The following QKI variants were observed in gnomAD, a reference collection of about 807,000 sequenced individuals.
QKI encodes the protein QKI, KH domain containing RNA binding.
Under a neutral mutation model 39.0 loss-of-function variants are expected in QKI, and 10 were observed. The observed-to-expected ratio is 0.26, with a 90% CI of 0.16 to 0.43. The LOEUF is 0.43. Ranked by LOEUF, QKI falls within the 20% of genes least tolerant of loss-of-function variation. The pLI, the probability that QKI is intolerant of heterozygous loss-of-function variation, is 1.00. For missense variants in QKI, 218 were observed against 428.0 expected (o/e 0.51, Z 4.33); for synonymous variants, 204 against 155.4 (o/e 1.31, Z -2.33).
At chr6:163,492,831 C>A (rs75377318) in intron 3 of QKI, among the ~76,000 whole-genome samples, 2 of 152,034 alleles carry the variant, frequency 1.3e-5, no homozygotes, top group African/African-American at 2.4e-5. Flanking sequence ...TCAAGTGTTA[C>A]AACAGCACAT....
chr6:163,452,535 T>C (rs956340103), intron 1 of QKI, among the ~76,000 whole-genome samples: 1 of 152,144 alleles, frequency 6.6e-6, no homozygotes, highest in African/African-American at 2.4e-5. Context: ...AAGTATTTAT[T>C]GAGGGCCAGC....
At chr6:163,499,738 A>G (rs1045680332) in intron 3 of QKI, among the ~76,000 whole-genome samples, 1 of 151,984 alleles carries the variant, frequency 6.6e-6, no homozygotes, top group African/African-American at 2.4e-5. Context: ...TCTTTCTTCT[A>G]CTTTTCAAAG....
intron 1 of QKI, among the ~76,000 whole-genome samples, chr6:163,417,482 C>G (rs1787615136): frequency 6.6e-6 from 1 of 152,104 alleles, no homozygotes; most frequent in Non-Finnish European, 1.5e-5. Context: ...GCTTCTTGTG[C>G]TTTTATGTTG....
intron 6 of QKI, 81 bp downstream of exon 6, chr6:163,563,800 A>G (rs1783183587): frequency 1.3e-6 from 2 of 1,523,930 alleles, no homozygotes; most frequent in Admixed American, 2.2e-5. Flanking sequence ...TGATTTTATC[A>G]GTTTTAGAGA....
intron 3 of QKI, among the ~76,000 whole-genome samples, chr6:163,523,945 G>T (rs1404963966): frequency 1.3e-5 from 2 of 152,226 alleles, no homozygotes; most frequent in African/African-American, 2.4e-5. Context: ...GCAAAGTGGG[G>T]CTTAGGGAGA....
rs568476823 is a variant in QKI at position 163,569,011 on chromosome 6, A to G, written c.1010-1683A>G. On this transcript the variant is annotated intron_variant, in intron 7 of 7. Transcript: ENST00000361752. ...GAAGTCAGAGTTTTTTCTGAGTAAT[A>G]CAAAAACCATCACTTACATAATTTG... 57 of 982,226 alleles carry G rather than the reference A, an allele frequency of 5.8e-5. No homozygotes were observed. In the South Asian group the frequency reaches 2.4e-3, roughly 41 times the overall value. 60.8% of individuals were successfully genotyped at this position (982,226 alleles called of 1,614,324 possible).
At chr6:163,471,713 A>T (rs1792200708) in intron 2 of QKI, among the ~76,000 whole-genome samples, 1 of 152,136 alleles carries the variant, frequency 6.6e-6, no homozygotes, top group South Asian at 2.1e-4. Context: ...CACATCCAGG[A>T]AAAAGAGGCA....
intron 2 of QKI, 67 bp from the exon 3 acceptor site, chr6:163,478,713 T>C (rs1792822100): frequency 1.9e-6 from 2 of 1,034,526 alleles, no homozygotes; most frequent in African/African-American, 1.6e-5. Context: ...AGATATACTT[T>C]ATATTTTAAG....
chr6:163,495,019 G>T (rs1156575361), intron 3 of QKI, among the ~76,000 whole-genome samples: 2 of 151,842 alleles, frequency 1.3e-5, no homozygotes, highest in Non-Finnish European at 2.9e-5. Flanking sequence ...GGGTTCAGGC[G>T]ATTCCCTTGC....
intron 3 of QKI, among the ~76,000 whole-genome samples, chr6:163,494,665 T>TTTG (rs969865611): frequency 7.0e-5 from 4 of 57,516 alleles, no homozygotes; most frequent in East Asian, 0.011. Flanking sequence ...TTTTTTTGTT[T>TTTG]TTGTTGTTGT....
intron 2 of QKI, among the ~76,000 whole-genome samples, chr6:163,476,951 A>G (rs116900237): frequency 0.01 from 1,531 of 151,470 alleles, 11 homozygotes; most frequent in Non-Finnish European, 0.015. Flanking sequence ...AGATAGTATT[A>G]TCCCCATTCT....
intron 3 of QKI, among the ~76,000 whole-genome samples, chr6:163,489,938 C>T (rs753502497): frequency 1.3e-5 from 2 of 152,080 alleles, no homozygotes; most frequent in Admixed American, 6.6e-5. Flanking sequence ...ATTACTGCCT[C>T]TCCATCAAAC....
intron 7 of QKI, chr6:163,568,323 A>G (rs1783495655): frequency 3.0e-6 from 3 of 985,228 alleles, no homozygotes; most frequent in Non-Finnish European, 3.6e-6. Context: ...TAACACAATA[A>G]TTATTGGCCT....
intron 3 of QKI, among the ~76,000 whole-genome samples, chr6:163,523,930 T>C (rs1420773860): frequency 6.6e-6 from 1 of 152,222 alleles, no homozygotes; most frequent in African/African-American, 2.4e-5. Flanking sequence ...TAAGATTCGA[T>C]GGAAGCAAAG....
intron 3 of QKI, among the ~76,000 whole-genome samples, chr6:163,505,719 G>A (rs979808066): frequency 2.0e-5 from 3 of 152,164 alleles, no homozygotes; most frequent in Admixed American, 2.0e-4. Flanking sequence ...CAGGCTCATG[G>A]GAGAAGGGAT....
At chr6:163,516,551 C>T (rs569912780) in intron 3 of QKI, among the ~76,000 whole-genome samples, 15 of 152,266 alleles carry the variant, frequency 9.9e-5, no homozygotes, top group South Asian at 2.1e-4. Flanking sequence ...CCTTGGCCTC[C>T]GAAAGTGCTG....
chr6:163,535,410 T>TCCCCATCTCTTC (rs748471698), intron 4 of QKI, among the ~76,000 whole-genome samples: 3 of 152,080 alleles, frequency 2.0e-5, no homozygotes, highest in Non-Finnish European at 2.9e-5. Context: ...GGTTTCTCTT[T>TCCCCATCTCTTC]CCCCATCTCT....
intron 6 of QKI, chr6:163,565,755 T>C: frequency 7.9e-7 from 1 of 1,263,600 alleles, no homozygotes; most frequent in Non-Finnish European, 1.0e-6. Context: ...TTTAAATTTC[T>C]AAGTTATAAT....
chr6:163,529,047 G>A (rs1314742345), intron 3 of QKI, among the ~76,000 whole-genome samples: 1 of 152,152 alleles, frequency 6.6e-6, no homozygotes, highest in East Asian at 1.9e-4. Context: ...AGGTTTTAGA[G>A]TAAAAGATAA....
Sources: gnomAD v4.1 joint callset for allele counts (sites outside exome capture counted in the v4.1 genomes callset) on GRCh38, gnomAD v4.1.1 for gene constraint, MANE v1.5 for transcripts, NCBI Gene and HGNC (gene_info 2026-07-23, HGNC 2026-07-21) for gene names.